Variants in LSS observed in about 807,000 individuals in gnomAD.
The protein encoded by LSS is lanosterol synthase.
LSS carries 90 observed loss-of-function variants against 110.3 expected under a neutral mutation model. The observed-to-expected ratio is 0.82, with a 90% CI of 0.69 to 0.97. The LOEUF is 0.97. Ranked by LOEUF, LSS falls within the 50% of genes least tolerant of loss-of-function variation. The probability of loss-of-function intolerance (pLI) is 0.00; values close to 1 mark genes in which losing one functional copy is unlikely to be tolerated. For synonymous variants in LSS, 433 were observed against 400.0 expected (o/e 1.08, Z -0.98); for missense variants, 927 against 990.0 (o/e 0.94, Z 0.85).
intron 19 of LSS, among the ~76,000 whole-genome samples, chr21:46,195,232 TGGGACCA>T: frequency 6.6e-6 from 1 of 152,360 alleles, no homozygotes; most frequent in South Asian, 2.1e-4. Context: ...CAGAGAGCTG[TGGGACCA>T]GGGAAACATC....
In LSS at chr21:46,208,273, T is replaced by C. The variant is rs953378807; in HGVS notation, c.1295A>G (p.Lys432Arg). Residue 432 changes from lysine to arginine, a missense_variant, in exon 14 of 22, where the codon AAG (lysine) becomes AGG (arginine). Transcript: ENST00000397728. The part of the protein sequence containing the change: ...QVPDNPPDYQ[K>R]YYRQMRKGGF... ...TACCTTGCGCATCTGGCGGTAGTAC[T>C]TCTGGTAGTCGGGAGGGTTATCTGG... is the stretch of plus-strand genomic sequence containing the variant. The C allele has an allele frequency of 3.2e-6, 5 of 1,552,574 alleles. No homozygotes were observed. The highest frequency in any genetic ancestry group is 1.7e-6 in the Non-Finnish European group (2 of 1,147,586).
intron 20 of LSS, among the ~76,000 whole-genome samples, chr21:46,194,286 GC>G (rs1601412501): frequency 1.3e-5 from 2 of 152,184 alleles, no homozygotes; most frequent in Non-Finnish European, 2.9e-5. Flanking sequence ...TCTCTGCAGG[GC>G]CCCACTTGGT....
chr21:46,205,080 C>T (rs887633695), intron 17 of LSS, among the ~76,000 whole-genome samples: 8 of 152,178 alleles, frequency 5.3e-5, no homozygotes, highest in African/African-American at 1.9e-4. Context: ...CACAGCAATG[C>T]CACTCCTAGG....
chr21:46,198,486 C>G (rs1287758684), intron 17 of LSS, among the ~76,000 whole-genome samples: 3 of 152,100 alleles, frequency 2.0e-5, no homozygotes, highest in Non-Finnish European at 4.4e-5. Flanking sequence ...AATGTAATCC[C>G]AATCAAAGTC....
intron 3 of LSS, among the ~76,000 whole-genome samples, chr21:46,223,600 T>A (rs1490558237): frequency 1.3e-5 from 2 of 152,232 alleles, no homozygotes; most frequent in Admixed American, 6.5e-5. Context: ...TTATACCAGA[T>A]ATAGATCTTA....
chr21:46,203,121 G>A (rs1158268638), intron 17 of LSS, among the ~76,000 whole-genome samples: 1 of 152,224 alleles, frequency 6.6e-6, no homozygotes, highest in African/African-American at 2.4e-5. Context: ...CACCAGGCCA[G>A]GTCAGACAGC....
At chr21:46,219,851 G>A (rs1391694882) in intron 5 of LSS, among the ~76,000 whole-genome samples, 1 of 152,196 alleles carries the variant, frequency 6.6e-6, no homozygotes, top group Non-Finnish European at 1.5e-5. Context: ...CCCCAGGAAG[G>A]AGCACATGAA....
intron 3 of LSS, among the ~76,000 whole-genome samples, chr21:46,223,035 C>T (rs2080296933): frequency 6.6e-6 from 1 of 152,212 alleles, no homozygotes; most frequent in Admixed American, 6.5e-5. Flanking sequence ...CACAGCACCT[C>T]AGGAAGGTCT....
intron 8 of LSS, 146 bp downstream of exon 8, chr21:46,215,539 G>A: frequency 3.1e-6 from 2 of 636,680 alleles, no homozygotes; most frequent in Non-Finnish European, 5.4e-6. Flanking sequence ...CAGGGTGGAG[G>A]GGCAGGGCGA....
intron 5 of LSS, 188 bp downstream of exon 5, chr21:46,221,666 A>C (rs1488035984): frequency 2.6e-6 from 2 of 766,342 alleles, no homozygotes; most frequent in Non-Finnish European, 2.1e-6. Context: ...CTGGCTCTTA[A>C]TTTGCTTTTT....
intron 2 of LSS, among the ~76,000 whole-genome samples, 200 bp from the exon 3 acceptor site, chr21:46,227,890 C>T (rs924816181): frequency 6.6e-6 from 1 of 152,220 alleles, no homozygotes; most frequent in Admixed American, 6.5e-5. Context: ...TGCACATTTT[C>T]GTTGCTTTAT....
chr21:46,194,709 A>C, intron 19 of LSS, 48 bp from the exon 20 acceptor site: 3 of 1,571,308 alleles, frequency 1.9e-6, no homozygotes, highest in Non-Finnish European at 2.6e-6. Context: ...GGAAGGTCCC[A>C]GACCCCTGGC....
chr21:46,205,635 CTG>C (rs1449354977), intron 17 of LSS, among the ~76,000 whole-genome samples, 199 bp downstream of exon 17: 4 of 152,220 alleles, frequency 2.6e-5, no homozygotes, highest in Admixed American at 6.5e-5. Flanking sequence ...TGTATCATAA[CTG>C]TGCTATTCTG....
At chr21:46,223,875 G>A (rs533712823) in intron 3 of LSS, among the ~76,000 whole-genome samples, 4 of 152,112 alleles carry the variant, frequency 2.6e-5, no homozygotes, top group African/African-American at 9.7e-5. Flanking sequence ...GTGGTCTAGC[G>A]GTAGCGAAAA....
At chr21:46,197,245 G>T (rs949892491) in intron 17 of LSS, among the ~76,000 whole-genome samples, 1 of 152,166 alleles carries the variant, frequency 6.6e-6, no homozygotes, top group Non-Finnish European at 1.5e-5. Context: ...TGACAAGAAA[G>T]TTTTATGTAT....
chr21:46,205,785 T>A (rs1458544338), intron 17 of LSS, 51 bp downstream of exon 17: 3 of 1,437,652 alleles, frequency 2.1e-6, no homozygotes, highest in Non-Finnish European at 2.9e-6. Context: ...CGTCTGGGTC[T>A]TGGCCCCCGA....
intron 20 of LSS, chr21:46,192,431 C>T: frequency 2.3e-6 from 1 of 443,160 alleles, no homozygotes; most frequent in Non-Finnish European, 4.5e-6. Flanking sequence ...AGCAGACCTG[C>T]CCTAGCTTTT....
intron 17 of LSS, 141 bp downstream of exon 17, chr21:46,205,695 C>T (rs2123719216): frequency 3.1e-6 from 2 of 635,480 alleles, no homozygotes; most frequent in East Asian, 5.5e-5. Flanking sequence ...GACTGGATTC[C>T]ACAACATCCG....
intron 6 of LSS, among the ~76,000 whole-genome samples, chr21:46,218,493 C>G (rs1326169394): frequency 6.6e-6 from 1 of 151,854 alleles, no homozygotes; most frequent in East Asian, 2.0e-4. Flanking sequence ...GCGTGATGGC[C>G]TGAGACTGTA....
Sources: allele counts gnomAD v4.1 joint callset (sites outside exome capture counted in the v4.1 genomes callset), GRCh38; gene constraint gnomAD v4.1.1; transcripts MANE v1.5; gene names NCBI Gene and HGNC (gene_info 2026-07-23, HGNC 2026-07-21).